PPP2R2B: variants seen among roughly 807,000 people sequenced by gnomAD.
The protein encoded by PPP2R2B is protein phosphatase 2 regulatory subunit Bbeta.
In PPP2R2B, 5 loss-of-function variants were observed where a neutral mutation model predicts 46.0. The ratio of observed to expected loss-of-function variants is 0.11; its 90% confidence interval spans 0.06 to 0.23. PPP2R2B has a LOEUF of 0.23. PPP2R2B is among the 10% of genes least tolerant of loss of function. The pLI is 1.00. For synonymous variants in PPP2R2B, 215 were observed against 206.7 expected (o/e 1.04, Z -0.34); for missense variants, 367 against 575.0 (o/e 0.64, Z 3.70).
At chr5:146,857,390 A>G (rs1760736832) in intron 2 of PPP2R2B, among the ~76,000 whole-genome samples, 1 of 152,192 alleles carries the variant, frequency 6.6e-6, no homozygotes, top group South Asian at 2.1e-4. Flanking sequence ...ATAGAACAAA[A>G]GGTTCATAAT....
chr5:146,954,411 T>G (rs1751776176), intron 1 of PPP2R2B, among the ~76,000 whole-genome samples: 2 of 152,126 alleles, frequency 1.3e-5, no homozygotes, highest in South Asian at 4.1e-4. Flanking sequence ...AGGTCAGGAA[T>G]GGAAAACCAA....
chr5:146,589,782 T>C lies in PPP2R2B; in HGVS notation c.*165A>G, dbSNP rs1484256178. 1.3e-6 allele frequency: 1 copy of C among 747,600 alleles called. No homozygotes were observed. The highest frequency in any genetic ancestry group is 2.1e-6 in the Non-Finnish European group (1 of 468,784). The allele number at this position is 747,600 out of a possible 1,614,324, so 46.3% of individuals were successfully genotyped here. The stretch of plus-strand genomic sequence containing the variant: ...CCTATTGGGTTTGACAAAAGTTTCT[T>C]AGAACTGGGGAGCTGGGAATGTTGG... On this transcript the variant is annotated 3_prime_UTR_variant, in exon 10 of 10. Transcript: ENST00000394411.
intron 9 of PPP2R2B, 89 bp downstream of exon 9, chr5:146,592,882 C>T: frequency 3.0e-6 from 4 of 1,326,684 alleles, no homozygotes; most frequent in Non-Finnish European, 4.3e-6. Flanking sequence ...ATTTTGACCT[C>T]CCTTTGGCTG....
chr5:146,995,988 G>A (rs931331965), intron 1 of PPP2R2B, among the ~76,000 whole-genome samples: 13 of 152,176 alleles, frequency 8.5e-5, no homozygotes, highest in African/African-American at 2.9e-4. Flanking sequence ...CTCTAGTCAT[G>A]ATAAAAAATG....
chr5:146,878,505 T>C lies in PPP2R2B; in HGVS notation c.-125+86A>G, dbSNP rs1762039626. On this transcript the variant is annotated intron_variant, in intron 1 of 9. Coordinates refer to ENST00000394411, the MANE Select transcript of PPP2R2B (RefSeq NM_181675.4). This position sits in a 1 kb window ranked among gnomAD's most constrained non-coding sequence, Gnocchi z 4.5. ...ATGCAAAAAAGATCCCTCCTCCCCC[T>C]GGGAGAGCGGGCAGCCGCGACAAAA... The C allele has an allele frequency of 1.6e-6, 2 of 1,288,560 alleles. No homozygotes were observed. Among genetic ancestry groups the C allele is most frequent in the Middle Eastern group, 3.1e-4 (1 of 3,204 alleles). The allele number at this position is 1,288,560 out of a possible 1,614,324, so 79.8% of individuals were successfully genotyped here. A position where few individuals can be genotyped will look rare whatever the true frequency, so the allele number is the denominator to read the frequency against.
chr5:146,710,377 C>T (rs545534293), intron 2 of PPP2R2B, among the ~76,000 whole-genome samples: 1 of 152,272 alleles, frequency 6.6e-6, no homozygotes, highest in South Asian at 2.1e-4. Context: ...GACCAAATCT[C>T]CAACACTAAA....
chr5:146,626,805 G>A (rs1354590824), intron 7 of PPP2R2B, among the ~76,000 whole-genome samples: 1 of 152,184 alleles, frequency 6.6e-6, no homozygotes, highest in East Asian at 1.9e-4. Context: ...GACCCCAAGT[G>A]AGGGAGAGGG....
intron 2 of PPP2R2B, among the ~76,000 whole-genome samples, chr5:146,819,328 C>T (rs1758118438): frequency 6.6e-6 from 1 of 152,080 alleles, no homozygotes; most frequent in Non-Finnish European, 1.5e-5. Context: ...AGATTCTCTG[C>T]AAAATACTAC....
At chr5:146,631,967 A>T (rs2151071037) in intron 7 of PPP2R2B, among the ~76,000 whole-genome samples, 1 of 152,016 alleles carries the variant, frequency 6.6e-6, no homozygotes, top group Non-Finnish European at 1.5e-5. Context: ...TTCTGGCGGC[A>T]ATGAGGCCTG....
At chr5:146,921,015 T>C (rs1763585853) in intron 1 of PPP2R2B, among the ~76,000 whole-genome samples, 1 of 152,176 alleles carries the variant, frequency 6.6e-6, no homozygotes. Flanking sequence ...TAGTCTTTTC[T>C]AGGGTGCAGG....
intron 1 of PPP2R2B, among the ~76,000 whole-genome samples, chr5:147,016,824 A>G (rs1251130067): frequency 6.6e-6 from 1 of 151,646 alleles, no homozygotes; most frequent in Non-Finnish European, 1.5e-5. Flanking sequence ...ATAGCATGAT[A>G]TATGCTGGAT....
At chr5:146,595,200 T>C (rs1771053656) in intron 8 of PPP2R2B, among the ~76,000 whole-genome samples, 1 of 152,204 alleles carries the variant, frequency 6.6e-6, no homozygotes, top group Admixed American at 6.5e-5. Flanking sequence ...CTCTTGGCAT[T>C]GTTAGGTGCA....
chr5:146,931,064 T>A (rs1447416742), intron 1 of PPP2R2B, among the ~76,000 whole-genome samples: 4 of 152,176 alleles, frequency 2.6e-5, no homozygotes, highest in Non-Finnish European at 5.9e-5. Flanking sequence ...AGATAATTTT[T>A]TTTTTAGTGC....
chr5:146,621,220 C>A (rs1432432130), intron 7 of PPP2R2B, among the ~76,000 whole-genome samples: 1 of 152,226 alleles, frequency 6.6e-6, no homozygotes, highest in African/African-American at 2.4e-5. Context: ...GCTCCTAATC[C>A]ACTGATCCAT....
chr5:146,693,721 GATGA>G (rs1225592667), intron 4 of PPP2R2B, among the ~76,000 whole-genome samples: 3 of 152,194 alleles, frequency 2.0e-5, no homozygotes, highest in Admixed American at 6.5e-5. Flanking sequence ...ATGGGGCTCT[GATGA>G]GGATTAAATA....
intron 1 of PPP2R2B, among the ~76,000 whole-genome samples, chr5:147,015,674 G>A (rs889239449): frequency 4.5e-4 from 68 of 151,320 alleles, no homozygotes; most frequent in African/African-American, 1.6e-3. Context: ...CAGTGTGACC[G>A]TGAGCATGTT....
chr5:146,840,621 A>G (rs1344654434), intron 2 of PPP2R2B, among the ~76,000 whole-genome samples: 2 of 152,252 alleles, frequency 1.3e-5, no homozygotes, highest in Non-Finnish European at 2.9e-5. Flanking sequence ...TGTGACAGGC[A>G]GACTTCAAAA....
At chr5:146,829,153 G>C (rs1177361256) in intron 2 of PPP2R2B, among the ~76,000 whole-genome samples, 1 of 152,120 alleles carries the variant, frequency 6.6e-6, no homozygotes, top group Non-Finnish European at 1.5e-5. Context: ...AGACAAGGGT[G>C]ACATGACCAC....
At chr5:146,993,664 T>G (rs1753800872) in intron 1 of PPP2R2B, among the ~76,000 whole-genome samples, 2 of 152,204 alleles carry the variant, frequency 1.3e-5, no homozygotes, top group East Asian at 1.9e-4. Context: ...CTCAGCTTTC[T>G]TATTTGTAAA....
Sources: gnomAD v4.1 joint callset for allele counts (sites outside exome capture counted in the v4.1 genomes callset) on GRCh38, gnomAD v4.1.1 for gene constraint, Gnocchi (gnomAD v3.1) non-coding constraint, MANE v1.5 for transcripts, NCBI Gene and HGNC (gene_info 2026-07-23, HGNC 2026-07-21) for gene names.